CPEB1: variants seen among roughly 807,000 people sequenced by gnomAD.
CPEB1 encodes the protein cytoplasmic polyadenylation element-binding protein 1.
In CPEB1, 7 loss-of-function variants were observed where a neutral mutation model predicts 65.8. That is an observed-to-expected ratio of 0.11 (90% CI 0.06 to 0.20). CPEB1 has a LOEUF of 0.20. CPEB1 is among the 10% of genes least tolerant of loss of function. CPEB1 has a pLI of 1.00. For synonymous variants in CPEB1, 262 were observed against 260.0 expected, an observed-to-expected ratio of 1.01 and a Z score of -0.08; for missense variants, 551 against 712.2, an observed-to-expected ratio of 0.77 and a Z score of 2.58.
chr15:82,563,480 C>T (rs1218379290), intron 4 of CPEB1, among the ~76,000 whole-genome samples: 2 of 145,942 alleles, frequency 1.4e-5, no homozygotes, highest in East Asian at 4.1e-4. Context: ...AAGTAGCTAG[C>T]GGCATGCCAC....
chr15:82,544,486 G>A lies in CPEB1; in HGVS notation c.*106C>T. The A allele has an allele frequency of 1.4e-6, 1 of 735,050 alleles. No individual in the cohort carries two copies. 45.5% of individuals were successfully genotyped at this position (735,050 alleles called of 1,614,324 possible). The stretch of plus-strand genomic sequence containing the variant: ...GCAAAGGTGACTACAATTTTCCCTT[G>A]TCCTTGGGAAGCCAGCTCCCTGGTC... On this transcript the variant is annotated 3_prime_UTR_variant, in exon 13 of 13. Transcript: ENST00000684509.
At chr15:82,552,865 A>G (rs963080357) in intron 8 of CPEB1, among the ~76,000 whole-genome samples, 1 of 152,230 alleles carries the variant, frequency 6.6e-6, no homozygotes. Context: ...CCATTACCAC[A>G]GCTCTCTATG....
At chr15:82,633,856 T>C (rs894446907) in intron 1 of CPEB1, among the ~76,000 whole-genome samples, 1 of 151,870 alleles carries the variant, frequency 6.6e-6, no homozygotes, top group Non-Finnish European at 1.5e-5. Context: ...TCCTCCTCCT[T>C]AAAAGTGGGA....
At chr15:82,578,854 A>AGC (rs2040939341) in intron 3 of CPEB1, among the ~76,000 whole-genome samples, 1 of 152,152 alleles carries the variant, frequency 6.6e-6, no homozygotes, top group South Asian at 2.1e-4. Flanking sequence ...TTTTTGAGAG[A>AGC]GTCTCACTCT....
intron 2 of CPEB1, 71 bp from the exon 3 acceptor site, chr15:82,627,438 G>T: frequency 8.4e-7 from 1 of 1,194,350 alleles, no homozygotes; most frequent in South Asian, 1.6e-5. Context: ...TCCACATTAC[G>T]AATTAGATAA....
intron 3 of CPEB1, among the ~76,000 whole-genome samples, chr15:82,599,418 A>C (rs1226188400): frequency 6.6e-6 from 1 of 152,172 alleles, no homozygotes; most frequent in Non-Finnish European, 1.5e-5. Context: ...AAAGTTATTC[A>C]AACTAACCTT....
At chr15:82,553,781 C>T in intron 7 of CPEB1, 97 bp downstream of exon 7, 3 of 894,016 alleles carry the variant, frequency 3.4e-6, no homozygotes, top group Non-Finnish European at 5.5e-6. Context: ...TGAGCTCAGG[C>T]AGGGCATTCA....
intron 3 of CPEB1, among the ~76,000 whole-genome samples, chr15:82,575,562 A>G (rs1458862447): frequency 6.6e-6 from 1 of 152,236 alleles, no homozygotes; most frequent in Admixed American, 6.5e-5. Context: ...ACCCACAACC[A>G]TATCTGACAA....
At chr15:82,582,326 A>G (rs1049488887) in intron 3 of CPEB1, among the ~76,000 whole-genome samples, 13 of 152,328 alleles carry the variant, frequency 8.5e-5, no homozygotes, top group African/African-American at 3.1e-4. Context: ...CCAAACAAGT[A>G]ACTACTGCAT....
chr15:82,544,643 C>G lies in CPEB1; in HGVS notation c.1716G>C (p.Leu572=). 2 of 1,613,362 alleles carry G rather than the reference C, an allele frequency of 1.2e-6. No homozygotes were observed. Among genetic ancestry groups the G allele is most frequent in the East Asian group, 2.2e-5 (1 of 44,880 alleles). ...CWHWRHSMEG[L]RHHSPLMRNQ... ...TCCGCATCAGGGGGCTGTGGTGGCG[C>G]AGGCCCTCCATGCTGTGCCGCCAGT... The change falls in exon 13 of 13, where the codon CTG becomes CTC. Residue 572 remains leucine, a synonymous_variant. Coordinates refer to ENST00000684509, the MANE Select transcript of CPEB1 (RefSeq NM_001365242.1).
intron 9 of CPEB1, among the ~76,000 whole-genome samples, chr15:82,551,814 T>C (rs1203695701): frequency 1.3e-5 from 2 of 152,134 alleles, no homozygotes; most frequent in African/African-American, 4.8e-5. Context: ...CAGTTGGAGA[T>C]TCCTAAATTC....
intron 3 of CPEB1, among the ~76,000 whole-genome samples, chr15:82,605,647 A>G (rs775926767): frequency 1.3e-5 from 2 of 152,242 alleles, no homozygotes; most frequent in Non-Finnish European, 2.9e-5. Context: ...TGTACACCAT[A>G]AAGTTCTCAT....
At chr15:82,581,637 A>G (rs1421069091) in intron 3 of CPEB1, among the ~76,000 whole-genome samples, 1 of 152,166 alleles carries the variant, frequency 6.6e-6, no homozygotes, top group Non-Finnish European at 1.5e-5. Flanking sequence ...CCATCCTAAC[A>G]AGTGTAAACT....
At chr15:82,587,637 A>G (rs953734954) in intron 3 of CPEB1, among the ~76,000 whole-genome samples, 14 of 152,198 alleles carry the variant, frequency 9.2e-5, no homozygotes, top group African/African-American at 3.1e-4. Context: ...GAAATTTTCA[A>G]ATTGTTTATA....
chr15:82,647,993 T>C (rs2047723426), upstream of CPEB1: 5 of 759,176 alleles, frequency 6.6e-6, no homozygotes, highest in Non-Finnish European at 8.9e-6. Flanking sequence ...CGGCAGCTTA[T>C]GAAGCTCCTA....
In CPEB1 at chr15:82,555,930, C is replaced by T. The variant is rs199575057; in HGVS notation, c.880G>A (p.Glu294Lys). The T allele has an allele frequency of 5.6e-6, 9 of 1,613,586 alleles. No individual in the cohort carries two copies. The highest frequency in any genetic ancestry group is 1.7e-4 in the Middle Eastern group (1 of 6,056). Residue 294 changes from glutamate to lysine, a missense_variant, in exon 6 of 13, where the codon GAA (glutamate) becomes AAA (lysine). Physicochemically the swap from Glu to Lys is moderately conservative, Grantham distance 56. Around this residue, in one of 6 missense-constraint regions of CPEB1, gnomAD observed 128 missense variants for 129.1 expected, o/e 0.99. Transcript: ENST00000684509. ...ASVWPSWDLL[E>K]APKDPFSIER... ...ATGCTGAAGGGGTCTTTGGGAGCTT[C>T]GAGGAGGTCCCAGGATGGCCACACA...
intron 1 of CPEB1, chr15:82,638,742 T>C (rs990409704): frequency 2.0e-5 from 3 of 152,230 alleles, no homozygotes; most frequent in African/African-American, 7.2e-5. Flanking sequence ...GCAAAAGTAC[T>C]TTATACTGAC....
At chr15:82,586,243 C>CAAA (rs11313085) in intron 3 of CPEB1, among the ~76,000 whole-genome samples, 6 of 111,110 alleles carry the variant, frequency 5.4e-5, no homozygotes, top group Non-Finnish European at 1.2e-4. Context: ...TTTTCAGATA[C>CAAA]AAAAAAAAAA....
At chr15:82,623,158 T>G (rs2045463980) in intron 3 of CPEB1, among the ~76,000 whole-genome samples, 1 of 152,192 alleles carries the variant, frequency 6.6e-6, no homozygotes, top group Non-Finnish European at 1.5e-5. Flanking sequence ...TAATTTTAAT[T>G]CTCTTCAAAG....
Sources: allele counts gnomAD v4.1 joint callset (sites outside exome capture counted in the v4.1 genomes callset), GRCh38; gene constraint gnomAD v4.1.1; regional missense constraint gnomAD v4.1.1; transcripts MANE v1.5; gene names NCBI Gene and HGNC (gene_info 2026-07-23, HGNC 2026-07-21).